CCSER1: variants seen among roughly 807,000 people sequenced by gnomAD.
The protein encoded by CCSER1 is coiled-coil serine rich protein 1.
In CCSER1, 41 loss-of-function variants were observed where a neutral mutation model predicts 82.0. That is an observed-to-expected ratio of 0.50 (90% CI 0.39 to 0.65). The LOEUF (loss-of-function observed/expected upper bound fraction) is 0.65, where lower values mean the gene tolerates loss of function less well. Among genes scored for constraint, CCSER1 ranks in the 30% least tolerant of loss-of-function variants. CCSER1 has a pLI of 0.00. For synonymous variants in CCSER1, 414 were observed against 383.9 expected (o/e 1.08, Z -0.92); for missense variants, 1,119 against 1,064.2 (o/e 1.05, Z -0.72).
chr4:90,904,671 G>T (rs1384245492), intron 8 of CCSER1, among the ~76,000 whole-genome samples: 1 of 152,024 alleles, frequency 6.6e-6, no homozygotes, highest in East Asian at 1.9e-4. Flanking sequence ...ATAAGGGGGG[G>T]CCTGGTCAGA....
In CCSER1 at chr4:90,271,848, ATATATATATATATATTTTTTTTTTTTT is replaced by A. The variant is rs1449631729; in HGVS notation, c.-41-36394_-41-36368del. 1.4e-3 allele frequency among the ~76,000 whole-genome samples: 33 copies of A among 23,342 alleles called. 1 individual carries two copies. The highest frequency in any genetic ancestry group is 7.1e-3 in the African/African-American group (18 of 2,536). 15.3% of individuals were successfully genotyped at this position (23,342 alleles called of 152,430 possible). A position where few individuals can be genotyped will look rare whatever the true frequency, so the allele number is the denominator to read the frequency against. ...AATTTATATATATATATATATATAT[ATATATATATATATATTTTTTTTTTTTT>A]TTTTTTTTTTTTTTTAAAAGGAGGT... On this transcript the variant is annotated intron_variant, in intron 1 of 10. Coordinates refer to ENST00000509176, the MANE Select transcript of CCSER1 (RefSeq NM_001145065.2).
At chr4:91,338,238 A>G (rs1212800266) in intron 10 of CCSER1, among the ~76,000 whole-genome samples, 2 of 152,186 alleles carry the variant, frequency 1.3e-5, no homozygotes, top group African/African-American at 4.8e-5. Context: ...TTATTATAAA[A>G]GCTGAGAATA....
chr4:91,100,509 A>T (rs996344077), intron 10 of CCSER1, among the ~76,000 whole-genome samples: 2 of 152,196 alleles, frequency 1.3e-5, no homozygotes, highest in African/African-American at 4.8e-5. Flanking sequence ...ATGATATCCT[A>T]TGCCAGGTCT....
intron 8 of CCSER1, among the ~76,000 whole-genome samples, chr4:90,831,783 A>T (rs185448734): frequency 6.6e-6 from 1 of 152,150 alleles, no homozygotes; most frequent in Non-Finnish European, 1.5e-5. Context: ...AGTTTAGACT[A>T]TATTTTTGAA....
chr4:90,874,221 A>C (rs1417290266), intron 8 of CCSER1, among the ~76,000 whole-genome samples: 2 of 152,172 alleles, frequency 1.3e-5, no homozygotes, highest in Non-Finnish European at 2.9e-5. Flanking sequence ...GTAATATCTT[A>C]AAAGTTACAA....
intron 5 of CCSER1, among the ~76,000 whole-genome samples, chr4:90,478,347 C>G (rs1334027164): frequency 1.3e-5 from 2 of 152,108 alleles, no homozygotes; most frequent in African/African-American, 4.8e-5. Flanking sequence ...TCTTCATTCT[C>G]TCTCACTAGA....
At chr4:91,085,108 T>C (rs911943368) in intron 9 of CCSER1, among the ~76,000 whole-genome samples, 5 of 97,266 alleles carry the variant, frequency 5.1e-5, no homozygotes, top group Admixed American at 3.7e-4. Flanking sequence ...TACAGGACAC[T>C]TTTTTTTTTT....
intron 10 of CCSER1, among the ~76,000 whole-genome samples, chr4:91,468,021 T>G (rs1350871008): frequency 6.6e-6 from 1 of 152,192 alleles, no homozygotes; most frequent in Non-Finnish European, 1.5e-5. Flanking sequence ...CAAAGGATTA[T>G]AAATCATGCT....
chr4:91,163,238 G>A (rs1232088036), intron 10 of CCSER1, among the ~76,000 whole-genome samples: 1 of 152,168 alleles, frequency 6.6e-6, no homozygotes, highest in Admixed American at 6.5e-5. Flanking sequence ...TACTTGAGTG[G>A]TTTTGAGTGA....
intron 10 of CCSER1, among the ~76,000 whole-genome samples, chr4:91,183,363 A>T (rs1298832513): frequency 6.6e-6 from 1 of 151,768 alleles, no homozygotes; most frequent in African/African-American, 2.4e-5. Flanking sequence ...AAGCTTTACC[A>T]TTACTAGACC....
At chr4:90,156,948 C>T (rs371512619) in intron 1 of CCSER1, among the ~76,000 whole-genome samples, 2 of 152,138 alleles carry the variant, frequency 1.3e-5, no homozygotes, top group African/African-American at 2.4e-5. Context: ...CTCGTTAGTT[C>T]ATGCAGTTTC....
At chr4:90,541,218 G>A (rs1776057461) in intron 5 of CCSER1, among the ~76,000 whole-genome samples, 1 of 152,060 alleles carries the variant, frequency 6.6e-6, no homozygotes, top group East Asian at 1.9e-4. Context: ...CAAGAAGACA[G>A]AGAACGACAT....
intron 8 of CCSER1, among the ~76,000 whole-genome samples, chr4:90,911,791 C>T (rs1052012464): frequency 1.3e-5 from 2 of 152,168 alleles, no homozygotes; most frequent in African/African-American, 4.8e-5. Flanking sequence ...TAATACTGCG[C>T]TTTTCCGATG....
chr4:90,551,557 G>T (rs980841438), intron 5 of CCSER1, among the ~76,000 whole-genome samples: 2 of 151,544 alleles, frequency 1.3e-5, no homozygotes, highest in Non-Finnish European at 2.9e-5. Context: ...ACTTTCTCTG[G>T]AGAGGCTTAT....
intron 9 of CCSER1, chr4:90,951,219 G>T (rs1423805520): frequency 6.6e-6 from 1 of 152,048 alleles, no homozygotes; most frequent in East Asian, 1.9e-4. Context: ...ATTTAGCAAG[G>T]TATAGCAGAA....
intron 1 of CCSER1, among the ~76,000 whole-genome samples, chr4:90,257,556 G>GATAGATAGATAC (rs946997938): frequency 2.2e-4 from 24 of 109,952 alleles, no homozygotes; most frequent in African/African-American, 6.1e-4. Context: ...TAGATAGATA[G>GATAGATAGATAC]ATAGATACAT....
intron 5 of CCSER1, among the ~76,000 whole-genome samples, chr4:90,488,088 G>T (rs561570005): frequency 6.6e-6 from 1 of 152,210 alleles, no homozygotes; most frequent in Non-Finnish European, 1.5e-5. Flanking sequence ...GAGATAGCAT[G>T]TTCCCTGTTC....
intron 9 of CCSER1, among the ~76,000 whole-genome samples, chr4:91,068,036 CAAAT>C (rs1364761325): frequency 6.6e-6 from 1 of 152,136 alleles, no homozygotes; most frequent in Non-Finnish European, 1.5e-5. Context: ...CTTACTATAA[CAAAT>C]AAATGCTAGT....
At chr4:91,378,630 T>G (rs1750622536) in intron 10 of CCSER1, among the ~76,000 whole-genome samples, 1 of 152,224 alleles carries the variant, frequency 6.6e-6, no homozygotes, top group South Asian at 2.1e-4. Context: ...AAGTTGCTTA[T>G]CAGCTGTAGG....
Sources: allele counts gnomAD v4.1 joint callset (sites outside exome capture counted in the v4.1 genomes callset), GRCh38; gene constraint gnomAD v4.1.1; transcripts MANE v1.5; gene names NCBI Gene and HGNC (gene_info 2026-07-23, HGNC 2026-07-21).